The following DNAH6 variants were observed in gnomAD, a reference collection of about 807,000 sequenced individuals.
DNAH6 encodes dynein axonemal heavy chain 6, also known as axonemal beta dynein heavy chain 6.
Under a neutral mutation model 491.4 loss-of-function variants are expected in DNAH6, and 340 were observed. The observed-to-expected ratio is 0.69, with a 90% CI of 0.63 to 0.76. The LOEUF is 0.76. Among genes scored for constraint, DNAH6 ranks in the 30% least tolerant of loss-of-function variants. The probability of loss-of-function intolerance (pLI) is 0.00; values close to 1 mark genes in which losing one functional copy is unlikely to be tolerated. For missense variants in DNAH6, 4,443 were observed against 4,972.2 expected (o/e 0.89, Z 3.20); for synonymous variants, 1,603 against 1,686.1 (o/e 0.95, Z 1.21).
intron 11 of DNAH6, among the ~76,000 whole-genome samples, chr2:84,566,970 AAT>A (rs1341758101): frequency 6.6e-6 from 1 of 152,084 alleles, no homozygotes; most frequent in Non-Finnish European, 1.5e-5. Flanking sequence ...TCTACACACC[AAT>A]ATATAAATTA....
intron 43 of DNAH6, 24 bp downstream of exon 43, chr2:84,685,496 CT>C (rs757578459): frequency 1.3e-4 from 170 of 1,356,236 alleles, no homozygotes; most frequent in East Asian, 4.3e-4. Flanking sequence ...TTTACCTATT[CT>C]TTTTTTTATT....
Position 84,595,750 on chromosome 2 carries a change from G to A in DNAH6, c.2829G>A (p.Val943=). 2 of 1,549,068 alleles carry A rather than the reference G, an allele frequency of 1.3e-6. No individual in the cohort carries two copies. Among genetic ancestry groups the A allele is most frequent in the Non-Finnish European group, 1.7e-6 (2 of 1,146,296 alleles). ...AAGGCTTGCCACCCAACAGTGTAGT[G>A]CCCCAGCTCAAATACAAGGTGGAAA... is the stretch of plus-strand genomic sequence containing the variant. ...LEKGLPPNSV[V]PQLKYKVEKM... The change falls in exon 18 of 77, where the codon GTG becomes GTA. Residue 943 remains valine (V), a synonymous_variant. Coordinates refer to ENST00000389394, the MANE Select transcript of DNAH6 (RefSeq NM_001370.2).
chr2:84,485,628 C>T, the DNAH6 span, among the ~76,000 whole-genome samples: 3 of 152,064 alleles, frequency 2.0e-5, no homozygotes, highest in African/African-American at 7.3e-5. Flanking sequence ...ATCCTTTCTG[C>T]TCGAGGGGTT....
chr2:84,814,340 TA>T (rs1200108858), intron 75 of DNAH6, among the ~76,000 whole-genome samples: 1 of 151,764 alleles, frequency 6.6e-6, no homozygotes, highest in African/African-American at 2.4e-5. Context: ...TTTAAAGCAA[TA>T]TTTTTTTTAT....
At chr2:84,759,733 A>G (rs1394980390) in intron 63 of DNAH6, among the ~76,000 whole-genome samples, 5 of 152,166 alleles carry the variant, frequency 3.3e-5, no homozygotes, top group Non-Finnish European at 7.3e-5. Flanking sequence ...AAAAAATACC[A>G]ACATCACTTT....
Position 84,681,418 on chromosome 2 carries a change from T to C in DNAH6, c.6806T>C (p.Ile2269Thr). The change falls in exon 42 of 77, where the codon ATT (isoleucine) becomes ACT (threonine). Residue 2269 changes from isoleucine (I) to threonine (T), a missense_variant. Ile to Thr is a moderately conservative substitution (Grantham distance 89). Around this residue, in one of 3 missense-constraint regions of DNAH6, gnomAD observed 2,977 missense variants for 3,296.6 expected, o/e 0.90. Coordinates refer to ENST00000389394, the MANE Select transcript of DNAH6 (RefSeq NM_001370.2). ...PPAVKQTASS[I>T]VEASVEIYNK... ...GCTGTAAAGCAAACTGCATCAAGCA[T>C]TGTAGAAGCCTCAGTTGAGATTTAT... The C allele has an allele frequency of 6.4e-7, 1 of 1,551,680 alleles. No individual in the cohort carries two copies. Among genetic ancestry groups the C allele is most frequent in the Non-Finnish European group, 8.7e-7 (1 of 1,146,926 alleles).
At chr2:84,747,244 C>G (rs1011864668) in intron 63 of DNAH6, among the ~76,000 whole-genome samples, 2 of 152,310 alleles carry the variant, frequency 1.3e-5, no homozygotes, top group East Asian at 1.9e-4. Flanking sequence ...AAAGTCTCAT[C>G]TAAGACCCAA....
Position 84,727,880 on chromosome 2 carries a change from G to A in DNAH6, c.10184G>A (p.Arg3395Gln), listed in dbSNP as rs1489166323. The stretch of plus-strand genomic sequence containing the variant: ...GATGCTGAATGGAATTTCTTTCTCC[G>A]AGGTTCTGCAGGATTGGAAAAGGTA... ...LSDAEWNFFLRGSAGLEKERP... is the reference protein window; with the variant it reads ...LSDAEWNFFLQGSAGLEKERP... Residue 3395 changes from arginine (R) to glutamine (Q), a missense_variant, in exon 61 of 77, where the codon CGA (arginine) becomes CAA (glutamine). Physicochemically the swap from Arg to Gln is conservative, Grantham distance 43. Around this residue, in one of 3 missense-constraint regions of DNAH6, gnomAD observed 1,463 missense variants for 1,656.6 expected, o/e 0.88. Coordinates refer to ENST00000389394, the MANE Select transcript of DNAH6 (RefSeq NM_001370.2). 6 of 1,551,246 alleles carry A rather than the reference G, an allele frequency of 3.9e-6. No individual in the cohort carries two copies. The highest frequency in any genetic ancestry group is 3.9e-5 in the Admixed American group (2 of 51,012).
chr2:84,566,049 A>G (rs1411755138), intron 11 of DNAH6, among the ~76,000 whole-genome samples: 2 of 151,942 alleles, frequency 1.3e-5, no homozygotes, highest in East Asian at 1.9e-4. Context: ...TTATCCAGCT[A>G]TCCTCTCTAT....
rs528583137 is a variant in DNAH6, at chr2:84,653,929, G to A, written c.5634+55G>A. The A allele has an allele frequency of 1.5e-4, 209 of 1,421,154 alleles. 1 individual carries two copies. The highest frequency in any genetic ancestry group is 4.4e-4 in the South Asian group (31 of 70,616). 88.0% of individuals were successfully genotyped at this position (1,421,154 alleles called of 1,614,324 possible). On this transcript the variant is annotated intron_variant, in intron 34 of 76. Coordinates refer to ENST00000389394, the MANE Select transcript of DNAH6 (RefSeq NM_001370.2). ...TCATTCATTAAATTGGCATACTATC[G>A]TTACATTTTTTTCTCACACTGATGT...
At chr2:84,573,978 A>T (rs1196128085) in intron 12 of DNAH6, among the ~76,000 whole-genome samples, 1 of 152,102 alleles carries the variant, frequency 6.6e-6, no homozygotes, top group Non-Finnish European at 1.5e-5. Flanking sequence ...TTCTTCTGGG[A>T]CTACATTAAG....
chr2:84,803,516 T>C (rs1679123037), intron 70 of DNAH6, among the ~76,000 whole-genome samples: 1 of 151,832 alleles, frequency 6.6e-6, no homozygotes, highest in South Asian at 2.1e-4. Flanking sequence ...ACAGAAAATT[T>C]AGCTTTCTAT....
intron 62 of DNAH6, among the ~76,000 whole-genome samples, chr2:84,738,465 G>T (rs1476372975): frequency 2.0e-5 from 3 of 152,046 alleles, no homozygotes; most frequent in African/African-American, 7.2e-5. Flanking sequence ...GACTATTGTT[G>T]TGTACTGCCA....
Position 84,640,809 on chromosome 2 carries a change from A to G in DNAH6, c.4970+231A>G, listed in dbSNP as rs573110755. Among the ~76,000 whole-genome samples the G allele has an allele frequency of 9.2e-5, 14 of 152,302 alleles. No individual in the cohort carries two copies. The South Asian group carries it at 2.5e-3, about 27-fold the overall frequency. On this transcript the variant is annotated intron_variant, in intron 32 of 76. Coordinates refer to ENST00000389394, the MANE Select transcript of DNAH6 (RefSeq NM_001370.2). ...ACATGGTTGTCCTCGACAGAAAATG[A>G]TCCCCAGCTAGGCTTAGGATAATAT...
At chr2:84,634,169 T>A (rs1312579181) in intron 29 of DNAH6, among the ~76,000 whole-genome samples, 1 of 152,234 alleles carries the variant, frequency 6.6e-6, no homozygotes. Flanking sequence ...TCAAGTTTTT[T>A]TAAAGTTCTT....
chr2:84,755,760 A>G (rs1362258707), intron 63 of DNAH6, among the ~76,000 whole-genome samples: 1 of 152,162 alleles, frequency 6.6e-6, no homozygotes, highest in African/African-American at 2.4e-5. Flanking sequence ...ATCATTAACC[A>G]TGATGTTAGC....
chr2:84,544,316 T>C lies in DNAH6; in HGVS notation c.746T>C (p.Ile249Thr), dbSNP rs770893497. 2.0e-4 allele frequency: 305 copies of C among 1,537,554 alleles called. No individual in the cohort carries two copies. The highest frequency in any genetic ancestry group is 5.9e-4 in the South Asian group (49 of 83,696). ...RAVTHIYNED[I>T]EFIEIDRWEQ... Reference sequence around the variant, plus strand: ...GTAACACACATTTATAATGAAGACATTGAATTTATCGAAATTGATCGATGG... The same window carrying C: ...GTAACACACATTTATAATGAAGACACTGAATTTATCGAAATTGATCGATGG... The change falls in exon 5 of 77, where the codon ATT (isoleucine) becomes ACT (threonine). Residue 249 changes from isoleucine to threonine, a missense_variant. Around this residue, in one of 3 missense-constraint regions of DNAH6, gnomAD observed 2,977 missense variants for 3,296.6 expected, o/e 0.90. Coordinates refer to ENST00000389394, the MANE Select transcript of DNAH6 (RefSeq NM_001370.2).
At chr2:84,701,419 G>C in intron 49 of DNAH6, 80 bp downstream of exon 49, 1 of 1,389,514 alleles carries the variant, frequency 7.2e-7, no homozygotes, top group Non-Finnish European at 9.7e-7. Context: ...TCTATGCACT[G>C]TCTTACCTGT....
At chr2:84,730,170 A>C (rs1270617577) in intron 61 of DNAH6, among the ~76,000 whole-genome samples, 1 of 152,210 alleles carries the variant, frequency 6.6e-6, no homozygotes, top group African/African-American at 2.4e-5. Context: ...GATTTCTAGA[A>C]GGTGGCAACA....
Sources: gnomAD v4.1 joint callset for allele counts (sites outside exome capture counted in the v4.1 genomes callset) on GRCh38, gnomAD v4.1.1 for gene constraint, gnomAD v4.1.1 regional missense constraint, MANE v1.5 for transcripts, NCBI Gene and HGNC (gene_info 2026-07-23, HGNC 2026-07-21) for gene names.